Variants in PLPP4 observed in about 807,000 individuals in gnomAD.
PLPP4 encodes phospholipid phosphatase 4.
A neutral mutation model predicts 32.2 loss-of-function variants in PLPP4; 20 were observed. The observed-to-expected ratio is 0.62, with a 90% CI of 0.44 to 0.90. PLPP4 has a LOEUF of 0.90. Ranked by LOEUF, PLPP4 falls within the 40% of genes least tolerant of loss-of-function variation. The pLI is 0.00. For missense variants in PLPP4, 257 were observed against 353.1 expected, an observed-to-expected ratio of 0.73 and a Z score of 2.18; for synonymous variants, 127 against 133.0, an observed-to-expected ratio of 0.95 and a Z score of 0.31.
At chr10:120,464,757 T>C (rs1848236683) in intron 1 of PLPP4, among the ~76,000 whole-genome samples, 1 of 152,218 alleles carries the variant, frequency 6.6e-6, no homozygotes, top group African/African-American at 2.4e-5. Context: ...TATGTCCCCG[T>C]TGTGAACTTT....
chr10:120,585,936 C>A (rs1343668662), intron 6 of PLPP4, among the ~76,000 whole-genome samples: 1 of 152,188 alleles, frequency 6.6e-6, no homozygotes, highest in African/African-American at 2.4e-5. Context: ...GTATTCCTTG[C>A]CTTTCTCCCA....
intron 1 of PLPP4, among the ~76,000 whole-genome samples, chr10:120,464,016 G>A (rs148595002): frequency 2.0e-5 from 3 of 152,270 alleles, no homozygotes; most frequent in African/African-American, 4.8e-5. Flanking sequence ...CATTGCCTAT[G>A]CTGGTCTTGA....
chr10:120,580,130 A>G, intron 6 of PLPP4, among the ~76,000 whole-genome samples: 1 of 150,804 alleles, frequency 6.6e-6, no homozygotes, highest in East Asian at 1.9e-4. Context: ...AAAAAAAAAA[A>G]AAAAAAAAAG....
At chr10:120,497,477 G>T (rs1355153799) in intron 1 of PLPP4, among the ~76,000 whole-genome samples, 1 of 152,098 alleles carries the variant, frequency 6.6e-6, no homozygotes, top group African/African-American at 2.4e-5. Context: ...TGTGCATTTT[G>T]TGTGTATGTA....
chr10:120,472,205 T>C (rs563942813), intron 1 of PLPP4, among the ~76,000 whole-genome samples: 2 of 152,262 alleles, frequency 1.3e-5, no homozygotes, highest in South Asian at 4.1e-4. Flanking sequence ...ATTTGGTTTT[T>C]CCCTTTGGGA....
intron 5 of PLPP4, among the ~76,000 whole-genome samples, chr10:120,570,661 A>T (rs1848892538): frequency 6.6e-6 from 1 of 152,144 alleles, no homozygotes. Flanking sequence ...AAACTATAAC[A>T]TTGCACCTAA....
chr10:120,497,456 T>A (rs1845023185), intron 1 of PLPP4, among the ~76,000 whole-genome samples: 1 of 151,908 alleles, frequency 6.6e-6, no homozygotes, highest in Admixed American at 6.6e-5. Flanking sequence ...TTTATGTGTG[T>A]GGGGTGTGTG....
At chr10:120,483,258 T>A (rs2463154) in intron 1 of PLPP4, among the ~76,000 whole-genome samples, 3 of 152,212 alleles carry the variant, frequency 2.0e-5, no homozygotes, top group Non-Finnish European at 2.9e-5. Flanking sequence ...TTGAGACTCC[T>A]GCTGATCCAC....
chr10:120,539,999 T>TGA (rs1554891154), intron 5 of PLPP4, among the ~76,000 whole-genome samples: 1 of 143,024 alleles, frequency 7.0e-6, no homozygotes, highest in South Asian at 2.2e-4. Flanking sequence ...AGTAAACTTG[T>TGA]AAAAAAAAAA....
chr10:120,505,031 A>G (rs1055416418), intron 2 of PLPP4, among the ~76,000 whole-genome samples: 3 of 152,248 alleles, frequency 2.0e-5, no homozygotes, highest in Non-Finnish European at 4.4e-5. Context: ...AACCTTTTAC[A>G]TTTCACTGCC....
intron 6 of PLPP4, among the ~76,000 whole-genome samples, chr10:120,584,756 C>T (rs561195900): frequency 4.8e-4 from 73 of 152,280 alleles, no homozygotes; most frequent in African/African-American, 1.6e-3. Flanking sequence ...GGATCTTGTT[C>T]GCCACCTTTG....
At chr10:120,493,314 A>G (rs1181954541) in intron 1 of PLPP4, among the ~76,000 whole-genome samples, 1 of 152,100 alleles carries the variant, frequency 6.6e-6, no homozygotes, top group Non-Finnish European at 1.5e-5. Flanking sequence ...TGTTGGGTCT[A>G]AGGGTTTGAT....
chr10:120,540,041 T>C (rs919406533), intron 5 of PLPP4, among the ~76,000 whole-genome samples: 2 of 150,724 alleles, frequency 1.3e-5, no homozygotes, highest in African/African-American at 4.9e-5. Flanking sequence ...TTTACTAATA[T>C]GGTCTTTTGG....
At chr10:120,551,117 T>C (rs1052595789) in intron 5 of PLPP4, among the ~76,000 whole-genome samples, 16 of 152,160 alleles carry the variant, frequency 1.1e-4, no homozygotes, top group African/African-American at 3.4e-4. Flanking sequence ...GGGAACTGTA[T>C]GTATGATCAG....
At chr10:120,456,997 G>A (rs1222991698), upstream of PLPP4, 1 of 158,624 alleles carries the variant, frequency 6.3e-6, no homozygotes, top group East Asian at 1.8e-4. This position sits in a 1 kb window ranked among gnomAD's most constrained non-coding sequence, Gnocchi z 4.1. Context: ...CGCGGGCCCA[G>A]GAGGCGGAGG....
chr10:120,578,490 A>G (rs139450758), intron 6 of PLPP4, among the ~76,000 whole-genome samples: 141 of 152,154 alleles, frequency 9.3e-4, no homozygotes, highest in African/African-American at 3.1e-3. Context: ...AGATTTTATG[A>G]CTCCATTTCA....
intron 1 of PLPP4, among the ~76,000 whole-genome samples, chr10:120,483,600 C>T (rs563377723): frequency 2.0e-5 from 3 of 152,326 alleles, no homozygotes; most frequent in Admixed American, 2.0e-4. Context: ...TATTTGACTC[C>T]TCCAAACTTC....
chr10:120,473,570 T>G (rs1241005317), intron 1 of PLPP4, among the ~76,000 whole-genome samples: 1 of 152,174 alleles, frequency 6.6e-6, no homozygotes, highest in East Asian at 1.9e-4. Flanking sequence ...TACACAGAAC[T>G]TGGGTTCCCC....
chr10:120,460,493 C>A (rs770188465), intron 1 of PLPP4, among the ~76,000 whole-genome samples: 1 of 152,190 alleles, frequency 6.6e-6, no homozygotes. Flanking sequence ...ATCACCAGTA[C>A]AATAGCAATC....
Sources: gnomAD v4.1 joint callset for allele counts (sites outside exome capture counted in the v4.1 genomes callset) on GRCh38, gnomAD v4.1.1 for gene constraint, Gnocchi (gnomAD v3.1) non-coding constraint, MANE v1.5 for transcripts, NCBI Gene and HGNC (gene_info 2026-07-23, HGNC 2026-07-21) for gene names.